Variants in PAQR5 observed in about 807,000 individuals in gnomAD.
The protein encoded by PAQR5 is progestin and adipoQ receptor family member 5, also known as membrane progestin receptor gamma.
In PAQR5, 20 loss-of-function variants were observed where a neutral mutation model predicts 34.5. That is an observed-to-expected ratio of 0.58 (90% CI 0.41 to 0.84). The LOEUF (loss-of-function observed/expected upper bound fraction) is 0.84, where lower values mean the gene tolerates loss of function less well. Ranked by LOEUF, PAQR5 falls within the 40% of genes least tolerant of loss-of-function variation. The probability of loss-of-function intolerance (pLI) is 0.00; values close to 1 mark genes in which losing one functional copy is unlikely to be tolerated. For synonymous variants in PAQR5, 131 were observed against 155.6 expected, an observed-to-expected ratio of 0.84 and a Z score of 1.18; for missense variants, 378 against 412.7, an observed-to-expected ratio of 0.92 and a Z score of 0.73.
At chr15:69,326,431 T>C (rs2054252745) in intron 1 of PAQR5, among the ~76,000 whole-genome samples, 1 of 110,752 alleles carries the variant, frequency 9.0e-6, no homozygotes, top group Admixed American at 1.3e-4. Flanking sequence ...TTGACAGCTC[T>C]TTGTCTTTTT....
chr15:69,349,212 G>A lies in PAQR5; in HGVS notation c.-115-10754G>A, dbSNP rs146538647. ...CTCTGTCTGCGGGTAAACTCTGCTC[G>A]CCTGAGGAACCAGAAATGTCCTCTC... On this transcript the variant is annotated intron_variant, in intron 2 of 8. Transcript: ENST00000395407. Among the ~76,000 whole-genome samples, 568 of 152,230 alleles carry A rather than the reference G, an allele frequency of 3.7e-3. 2 individuals carry two copies. The highest frequency in any genetic ancestry group is 6.4e-3 in the Non-Finnish European group (436 of 68,014).
At chr15:69,310,803 C>A (rs2140540055) in intron 1 of PAQR5, among the ~76,000 whole-genome samples, 1 of 151,906 alleles carries the variant, frequency 6.6e-6, no homozygotes, top group Admixed American at 6.5e-5. Flanking sequence ...CTTTGGGAGG[C>A]CAAGGCGGGT....
At chr15:69,391,500 T>C (rs902498798) in intron 6 of PAQR5, 5 of 327,880 alleles carry the variant, frequency 1.5e-5, no homozygotes, top group East Asian at 9.1e-5. Context: ...ATAACAGATA[T>C]AGAACAGTAA....
intron 3 of PAQR5, among the ~76,000 whole-genome samples, chr15:69,366,693 T>C (rs774658378): frequency 2.0e-5 from 3 of 152,222 alleles, no homozygotes; most frequent in Non-Finnish European, 4.4e-5. Context: ...TTGGAGGAAG[T>C]ATTCCATATT....
chr15:69,348,659 A>T (rs1438272128), intron 2 of PAQR5, among the ~76,000 whole-genome samples: 1 of 152,190 alleles, frequency 6.6e-6, no homozygotes, highest in Non-Finnish European at 1.5e-5. Flanking sequence ...CCTGAACTGC[A>T]TATAGTACTA....
chr15:69,382,593 C>G (rs1386004108), intron 4 of PAQR5, among the ~76,000 whole-genome samples: 2 of 142,738 alleles, frequency 1.4e-5, no homozygotes, highest in African/African-American at 5.3e-5. Flanking sequence ...TGCAGAGAGC[C>G]GAGATCGTGC....
intron 3 of PAQR5, among the ~76,000 whole-genome samples, chr15:69,372,025 ATG>A (rs1322877579): frequency 6.6e-6 from 1 of 152,228 alleles, no homozygotes; most frequent in East Asian, 1.9e-4. Context: ...CAAATTTGGT[ATG>A]TGTTTCAGCA....
rs534274013 is a variant in PAQR5, at chr15:69,385,917, TAC to T, written c.385+1042_385+1043del. On this transcript the variant is annotated intron_variant, in intron 5 of 8. Transcript: ENST00000395407. The surrounding 1 kb of genome is among the most constrained non-coding windows in gnomAD (Gnocchi z 4.7). ...TTGACACACACACAATACACTCACA[TAC>T]ACACACTCACACCACATACACACAA... 4.6e-4 allele frequency among the ~76,000 whole-genome samples: 69 copies of T among 149,232 alleles called. No individual in the cohort carries two copies. The highest frequency in any genetic ancestry group is 1.4e-3 in the African/African-American group (55 of 40,432).
chr15:69,382,358 GAC>G (rs2055907678), intron 4 of PAQR5, among the ~76,000 whole-genome samples: 2 of 152,188 alleles, frequency 1.3e-5, no homozygotes, highest in South Asian at 4.2e-4. Context: ...TGAAATATTT[GAC>G]AGGCGGCCGG....
At chr15:69,360,428 G>C (rs1006825299) in intron 3 of PAQR5, among the ~76,000 whole-genome samples, 51 of 152,228 alleles carry the variant, frequency 3.4e-4, no homozygotes, top group African/African-American at 1.2e-3. Context: ...GCAGCAGCTG[G>C]CTGGGTAGGA....
intron 1 of PAQR5, among the ~76,000 whole-genome samples, chr15:69,333,089 A>G (rs892136887): frequency 1.3e-5 from 2 of 152,040 alleles, no homozygotes; most frequent in African/African-American, 4.8e-5. Context: ...TTTTCCTGGG[A>G]AAAGGTTTTT....
chr15:69,309,670 G>A (rs188654858), intron 1 of PAQR5, among the ~76,000 whole-genome samples: 1 of 152,286 alleles, frequency 6.6e-6, no homozygotes, highest in African/African-American at 2.4e-5. Flanking sequence ...TCCCCCGGAT[G>A]GTGGCACATG....
chr15:69,398,208 G>A (rs886793861), intron 7 of PAQR5, among the ~76,000 whole-genome samples: 4 of 152,180 alleles, frequency 2.6e-5, no homozygotes, highest in African/African-American at 9.7e-5. Context: ...AGTATTGAAG[G>A]AAAAGGCATG....
intron 6 of PAQR5, among the ~76,000 whole-genome samples, chr15:69,393,308 T>C (rs1465576898): frequency 6.6e-6 from 1 of 151,838 alleles, no homozygotes; most frequent in Non-Finnish European, 1.5e-5. Flanking sequence ...GTCTGGAGAG[T>C]GAGAAAGCTG....
chr15:69,330,413 T>C (rs1025744938), intron 1 of PAQR5, among the ~76,000 whole-genome samples: 4 of 152,176 alleles, frequency 2.6e-5, no homozygotes, highest in African/African-American at 9.7e-5. Flanking sequence ...AGATTAACAT[T>C]AGCCACAGAA....
At chr15:69,322,144 A>G (rs1279152762) in intron 1 of PAQR5, among the ~76,000 whole-genome samples, 1 of 136,822 alleles carries the variant, frequency 7.3e-6, no homozygotes, top group Non-Finnish European at 1.5e-5. Flanking sequence ...TGGGCAACAT[A>G]GTGAGACCCC....
At chr15:69,317,977 C>G (rs774618819) in intron 1 of PAQR5, among the ~76,000 whole-genome samples, 1 of 152,212 alleles carries the variant, frequency 6.6e-6, no homozygotes, top group East Asian at 1.9e-4. Flanking sequence ...CCACCAGGAG[C>G]CTGCCCTGAC....
chr15:69,373,804 A>C (rs993120656), intron 3 of PAQR5, among the ~76,000 whole-genome samples: 1 of 152,076 alleles, frequency 6.6e-6, no homozygotes, highest in Admixed American at 6.6e-5. Context: ...AGGTTTCACT[A>C]TGTTGGCCAG....
intron 1 of PAQR5, among the ~76,000 whole-genome samples, chr15:69,301,859 ATTTTTTTTTTTTTTTT>A (rs71149903): frequency 3.0e-4 from 30 of 98,852 alleles, no homozygotes; most frequent in African/African-American, 1.2e-3. Flanking sequence ...ATGGGGGGAG[ATTTTTTTTTTTTTTTT>A]TTTTTTTTTT....
Sources: gnomAD v4.1 joint callset for allele counts (sites outside exome capture counted in the v4.1 genomes callset) on GRCh38, gnomAD v4.1.1 for gene constraint, Gnocchi (gnomAD v3.1) non-coding constraint, MANE v1.5 for transcripts, NCBI Gene and HGNC (gene_info 2026-07-23, HGNC 2026-07-21) for gene names.